Variants in ZBTB43 observed in about 807,000 individuals in gnomAD.
The protein encoded by ZBTB43 is zinc finger and BTB domain containing 43.
Under a neutral mutation model 31.1 loss-of-function variants are expected in ZBTB43, and 6 were observed. The observed-to-expected ratio is 0.19, with a 90% CI of 0.11 to 0.38. The LOEUF is 0.38. Ranked by LOEUF, ZBTB43 falls within the 10% of genes least tolerant of loss-of-function variation. ZBTB43 has a pLI of 1.00. For missense variants in ZBTB43, 379 were observed against 602.1 expected (o/e 0.63, Z 3.88); for synonymous variants, 212 against 221.7 (o/e 0.96, Z 0.39).
intron 1 of ZBTB43, among the ~76,000 whole-genome samples, chr9:126,807,026 A>G (rs1278398269): frequency 1.3e-5 from 2 of 152,114 alleles, no homozygotes; most frequent in Admixed American, 6.6e-5. Flanking sequence ...TTATTTCTTG[A>G]GTTTCGTTAT....
intron 2 of ZBTB43, among the ~76,000 whole-genome samples, chr9:126,829,587 T>TGTATATGATTTATTCTG (rs2032723004): frequency 1.3e-5 from 2 of 152,298 alleles, no homozygotes; most frequent in South Asian, 4.1e-4. Context: ...TTTTAAAGGA[T>TGTATATGATTTATTCTG]GTATATGATT....
chr9:126,819,384 C>T (rs1471645623), intron 2 of ZBTB43, among the ~76,000 whole-genome samples: 1 of 138,108 alleles, frequency 7.2e-6, no homozygotes, highest in Non-Finnish European at 1.5e-5. Context: ...CTTTCTGTTT[C>T]TGTGTCATAT....
chr9:126,825,330 C>G (rs917588024), intron 2 of ZBTB43, among the ~76,000 whole-genome samples: 1 of 151,790 alleles, frequency 6.6e-6, no homozygotes, highest in African/African-American at 2.4e-5. Flanking sequence ...TTCCTTCTGC[C>G]TGCTCAAGCA....
intron 1 of ZBTB43, among the ~76,000 whole-genome samples, chr9:126,805,473 C>T (rs967352265): frequency 1.3e-5 from 2 of 152,224 alleles, no homozygotes; most frequent in African/African-American, 2.4e-5. Flanking sequence ...AGGGTGGGCG[C>T]GGCTTGACGA....
rs34901668 is a variant in ZBTB43, at chr9:126,807,304, GC to G, written c.-146-1487del. 6.1e-3 allele frequency among the ~76,000 whole-genome samples: 932 copies of G among 152,302 alleles called. 4 individuals are homozygous for G. Among genetic ancestry groups the G allele is most frequent in the Non-Finnish European group, 9.2e-3 (628 of 68,026 alleles). On this transcript the variant is annotated intron_variant, in intron 1 of 2. Transcript: ENST00000373464. ...TTAGACACTAAAACATGGTATCAAT[GC>G]CTATTCTAATGCATATATACAAAGG...
intron 2 of ZBTB43, among the ~76,000 whole-genome samples, chr9:126,830,412 A>G (rs2032740025): frequency 6.6e-6 from 1 of 152,126 alleles, no homozygotes; most frequent in South Asian, 2.1e-4. Flanking sequence ...TTGGGAGGCC[A>G]GGCGGGCAGA....
chr9:126,823,253 T>G (rs2032554352), intron 2 of ZBTB43, among the ~76,000 whole-genome samples: 1 of 152,218 alleles, frequency 6.6e-6, no homozygotes, highest in African/African-American at 2.4e-5. Context: ...CTTCCTTCAA[T>G]TTTATCCACT....
chr9:126,821,174 G>A (rs2032501192), intron 2 of ZBTB43, among the ~76,000 whole-genome samples: 1 of 151,872 alleles, frequency 6.6e-6, no homozygotes, highest in African/African-American at 2.4e-5. Flanking sequence ...TTTGAAACCA[G>A]CCTAGCCAAC....
chr9:126,814,981 T>C (rs1476436979), intron 2 of ZBTB43, among the ~76,000 whole-genome samples: 1 of 151,576 alleles, frequency 6.6e-6, no homozygotes, highest in Non-Finnish European at 1.5e-5. Flanking sequence ...GGCCTTTTTT[T>C]TGTCTGGCTG....
At chr9:126,828,153 A>T (rs948425576) in intron 2 of ZBTB43, among the ~76,000 whole-genome samples, 5 of 152,178 alleles carry the variant, frequency 3.3e-5, no homozygotes, top group African/African-American at 1.2e-4. Flanking sequence ...TTCATGCCAA[A>T]ATAAACACCC....
At chr9:126,811,785 G>A (rs970556288) in intron 2 of ZBTB43, among the ~76,000 whole-genome samples, 1 of 151,850 alleles carries the variant, frequency 6.6e-6, no homozygotes, top group African/African-American at 2.4e-5. Context: ...ACCACCACAC[G>A]CAGCTAATTT....
rs754467055 is a variant in ZBTB43, at chr9:126,832,743, A to T, written c.234A>T (p.Pro78=). ...RRIVLPDVMN[P]RVFENILLSS... is the part of the protein sequence containing the mutation. ...TTGTTTTGCCTGATGTGATGAACCCAAGAGTGTTTGAGAACATTCTCCTAT... is the reference window on the plus strand; with the variant it reads ...TTGTTTTGCCTGATGTGATGAACCCTAGAGTGTTTGAGAACATTCTCCTAT... Residue 78 remains proline (P), a synonymous_variant, in exon 3 of 3, where the codon CCA becomes CCT. Coordinates refer to ENST00000373464, the MANE Select transcript of ZBTB43 (RefSeq NM_014007.4). The T allele has an allele frequency of 1.9e-6, 3 of 1,614,164 alleles. No homozygotes were observed. Among genetic ancestry groups the T allele is most frequent in the South Asian group, 2.2e-5 (2 of 91,080 alleles).
intron 2 of ZBTB43, among the ~76,000 whole-genome samples, chr9:126,812,692 A>AG (rs2032276060): frequency 6.6e-6 from 1 of 152,188 alleles, no homozygotes; most frequent in African/African-American, 2.4e-5. Context: ...ATATGCTTAT[A>AG]GGTTATTTGT....
intron 2 of ZBTB43, among the ~76,000 whole-genome samples, chr9:126,818,109 TTTTC>T (rs2032431376): frequency 4.6e-5 from 7 of 150,890 alleles, no homozygotes; most frequent in Middle Eastern, 3.4e-3. Context: ...TTTGTAGTTT[TTTTC>T]TTTTTCTTTT....
chr9:126,815,659 T>TC (rs1491110636), intron 2 of ZBTB43, among the ~76,000 whole-genome samples: 36 of 26,494 alleles, frequency 1.4e-3, no homozygotes, highest in South Asian at 9.2e-3. Context: ...TCTCTCTCTC[T>TC]TTTTTTTTTT....
At chr9:126,814,310 A>C (rs111518388) in intron 2 of ZBTB43, among the ~76,000 whole-genome samples, 2 of 151,916 alleles carry the variant, frequency 1.3e-5, no homozygotes, top group Admixed American at 6.5e-5. Context: ...TTACAGATGA[A>C]ATTTACATCT....
intron 2 of ZBTB43, among the ~76,000 whole-genome samples, chr9:126,809,471 C>T (rs1025392931): frequency 2.6e-5 from 4 of 152,198 alleles, no homozygotes; most frequent in Non-Finnish European, 4.4e-5. Flanking sequence ...ACCATATGCT[C>T]TGATTAAAGA....
chr9:126,822,981 G>T (rs140979490), intron 2 of ZBTB43, among the ~76,000 whole-genome samples: 347 of 151,946 alleles, frequency 2.3e-3, no homozygotes, highest in African/African-American at 7.8e-3. Flanking sequence ...ACAGTATGGT[G>T]TAAGCATTAC....
At chr9:126,822,490 TC>T (rs1384058717) in intron 2 of ZBTB43, among the ~76,000 whole-genome samples, 1 of 152,096 alleles carries the variant, frequency 6.6e-6, no homozygotes, top group Non-Finnish European at 1.5e-5. Flanking sequence ...TGCTTATAGT[TC>T]CAGCACTTTG....
Sources: gnomAD v4.1 joint callset for allele counts (sites outside exome capture counted in the v4.1 genomes callset) on GRCh38, gnomAD v4.1.1 for gene constraint, MANE v1.5 for transcripts, NCBI Gene and HGNC (gene_info 2026-07-23, HGNC 2026-07-21) for gene names.